VTI1A: variants seen among roughly 807,000 people sequenced by gnomAD.
VTI1A encodes vesicle transport through interaction with t-SNAREs homolog 1A.
A neutral mutation model predicts 34.9 loss-of-function variants in VTI1A; 22 were observed. That is an observed-to-expected ratio of 0.63 (90% CI 0.45 to 0.90). VTI1A has a LOEUF of 0.90. VTI1A is among the 40% of genes least tolerant of loss of function. The probability of loss-of-function intolerance (pLI) is 0.00; values close to 1 mark genes in which losing one functional copy is unlikely to be tolerated. For missense variants in VTI1A, 268 were observed against 275.6 expected (o/e 0.97, Z 0.20); for synonymous variants, 87 against 97.3 (o/e 0.89, Z 0.62).
intron 5 of VTI1A, among the ~76,000 whole-genome samples, chr10:112,603,867 A>G (rs756304061): frequency 2.6e-5 from 4 of 152,102 alleles, no homozygotes; most frequent in Non-Finnish European, 5.9e-5. Flanking sequence ...TACTCTTGGT[A>G]GATGACAACA....
At chr10:112,692,720 T>C (rs927851482) in intron 7 of VTI1A, among the ~76,000 whole-genome samples, 1 of 152,236 alleles carries the variant, frequency 6.6e-6, no homozygotes, top group African/African-American at 2.4e-5. Flanking sequence ...CACGTTAAAA[T>C]AGATGCATAA....
At chr10:112,688,944 T>A (rs1848524559) in intron 7 of VTI1A, among the ~76,000 whole-genome samples, 1 of 152,126 alleles carries the variant, frequency 6.6e-6, no homozygotes, top group Non-Finnish European at 1.5e-5. Context: ...CCCAGCAGTG[T>A]GTGGTTGACA....
At position 112,454,771 on chromosome 10, in the gene VTI1A, A is replaced by G. The variant is rs143037496; in HGVS notation, c.95-5753A>G. Among the ~76,000 whole-genome samples, 149 of 152,004 alleles carry G rather than the reference A, an allele frequency of 9.8e-4. 1 individual carries two copies. Among genetic ancestry groups the G allele is most frequent in the African/African-American group, 3.4e-3 (141 of 41,498 alleles). On this transcript the variant is annotated intron_variant, in intron 1 of 7. Coordinates refer to ENST00000393077, the MANE Select transcript of VTI1A (RefSeq NM_145206.4). ...TATTAAATAGTATATTTTATATAAT[A>G]CATATAGCAGTTACGAGCTCAGTTC...
At chr10:112,777,470 G>T (rs1408240805) in intron 7 of VTI1A, among the ~76,000 whole-genome samples, 1 of 152,238 alleles carries the variant, frequency 6.6e-6, no homozygotes, top group Non-Finnish European at 1.5e-5. Context: ...TATGCAGAAG[G>T]TTTATCCTTT....
intron 2 of VTI1A, among the ~76,000 whole-genome samples, chr10:112,463,416 A>C (rs1483330506): frequency 6.6e-6 from 1 of 152,224 alleles, no homozygotes; most frequent in African/African-American, 2.4e-5. Flanking sequence ...CTGCTCTGTG[A>C]AAAAGACACT....
intron 7 of VTI1A, among the ~76,000 whole-genome samples, chr10:112,715,670 T>C (rs1037928321): frequency 6.6e-6 from 1 of 152,188 alleles, no homozygotes; most frequent in African/African-American, 2.4e-5. Flanking sequence ...AGATAGTTGT[T>C]CCTGGCTGGA....
At chr10:112,774,871 G>GT (rs1851913386) in intron 7 of VTI1A, among the ~76,000 whole-genome samples, 2 of 152,170 alleles carry the variant, frequency 1.3e-5, no homozygotes, top group South Asian at 4.1e-4. Flanking sequence ...AAGGGTACAT[G>GT]TTTGAGGGGA....
chr10:112,733,873 A>G (rs965876253), intron 7 of VTI1A, among the ~76,000 whole-genome samples: 1 of 151,830 alleles, frequency 6.6e-6, no homozygotes, highest in African/African-American at 2.4e-5. Context: ...CTCCTACCTC[A>G]GCCCAAGTAG....
intron 5 of VTI1A, among the ~76,000 whole-genome samples, chr10:112,575,716 T>A (rs113007237): frequency 2.6e-5 from 4 of 152,370 alleles, no homozygotes; most frequent in African/African-American, 9.6e-5. Flanking sequence ...AGGATGGCAC[T>A]ATGTTATTCT....
chr10:112,838,868 T>C, the VTI1A span, among the ~76,000 whole-genome samples: 2 of 152,234 alleles, frequency 1.3e-5, no homozygotes, highest in Admixed American at 1.3e-4. Context: ...AGCCTCACTT[T>C]GTCACCAGCG....
At chr10:112,781,389 C>T (rs568705877) in intron 7 of VTI1A, among the ~76,000 whole-genome samples, 18 of 152,314 alleles carry the variant, frequency 1.2e-4, no homozygotes, top group East Asian at 3.9e-4. Context: ...CTCAGAGACC[C>T]ATGTCAGCAT....
chr10:112,842,203 G>C, the VTI1A span, among the ~76,000 whole-genome samples: 15 of 152,068 alleles, frequency 9.9e-5, no homozygotes, highest in East Asian at 2.9e-3. Context: ...CCTGTTACCA[G>C]ATGGAAAAGT....
At chr10:112,684,747 T>G (rs868700305) in intron 7 of VTI1A, among the ~76,000 whole-genome samples, 45 of 152,138 alleles carry the variant, frequency 3.0e-4, no homozygotes, top group African/African-American at 9.7e-4. Context: ...CCTGCTCATC[T>G]CTTTTATGAC....
intron 7 of VTI1A, among the ~76,000 whole-genome samples, chr10:112,729,228 G>A (rs1016821772): frequency 1.1e-4 from 16 of 151,556 alleles, no homozygotes; most frequent in African/African-American, 2.4e-4. Context: ...GACCAAAAGT[G>A]TGTTTCTCTT....
At chr10:112,670,958 T>G (rs1847824280) in intron 7 of VTI1A, among the ~76,000 whole-genome samples, 1 of 152,230 alleles carries the variant, frequency 6.6e-6, no homozygotes, top group African/African-American at 2.4e-5. Context: ...TTCAGATATT[T>G]TCAACCAATG....
intron 5 of VTI1A, among the ~76,000 whole-genome samples, chr10:112,597,169 G>T (rs533597627): frequency 6.6e-6 from 1 of 152,016 alleles, no homozygotes; most frequent in Admixed American, 6.5e-5. Flanking sequence ...TTCCACTTAC[G>T]CTAACCTTTG....
intron 1 of VTI1A, 53 bp from the exon 2 acceptor site, chr10:112,460,471 T>G: frequency 2.0e-6 from 3 of 1,510,846 alleles, no homozygotes; most frequent in Non-Finnish European, 2.7e-6. Context: ...AGTTTTAAAA[T>G]ATTAAATTTA....
rs1853577226 is a variant in VTI1A, at chr10:112,818,152, T to G, written c.*2769T>G. The G allele has an allele frequency of 4.3e-6, 1 of 233,376 alleles. No individual in the cohort carries two copies. Among genetic ancestry groups the G allele is most frequent in the Non-Finnish European group, 8.5e-6 (1 of 117,928 alleles). 14.5% of individuals were successfully genotyped at this position (233,376 alleles called of 1,614,324 possible). A position where few individuals can be genotyped will look rare whatever the true frequency, so the allele number is the denominator to read the frequency against. On this transcript the variant is annotated 3_prime_UTR_variant, in exon 8 of 8. Coordinates refer to ENST00000393077, the MANE Select transcript of VTI1A (RefSeq NM_145206.4). ...TTGTCTTATTTTGGAACCAGCTTGG[T>G]GGGGGGTTTGCTTTGCTACTGCTTC...
chr10:112,488,610 C>T (rs1015371681), intron 3 of VTI1A, among the ~76,000 whole-genome samples: 1 of 152,128 alleles, frequency 6.6e-6, no homozygotes, highest in East Asian at 1.9e-4. Flanking sequence ...TCCAGTGTAC[C>T]ACTTTGTCTT....
Sources: allele counts gnomAD v4.1 joint callset (sites outside exome capture counted in the v4.1 genomes callset), GRCh38; gene constraint gnomAD v4.1.1; transcripts MANE v1.5; gene names NCBI Gene and HGNC (gene_info 2026-07-23, HGNC 2026-07-21).